The following RCL1 variants were observed in gnomAD, a reference collection of about 807,000 sequenced individuals.
RCL1 encodes RNA 3'-terminal phosphate cyclase-like protein.
Under a neutral mutation model 42.4 loss-of-function variants are expected in RCL1, and 24 were observed. The ratio of observed to expected loss-of-function variants is 0.57; its 90% CI spans 0.41 to 0.80. The LOEUF is 0.80. Ranked by LOEUF, RCL1 falls within the 30% of genes least tolerant of loss-of-function variation. The pLI is 0.00. For synonymous variants in RCL1, 228 were observed against 177.3 expected (o/e 1.29, Z -2.27); for missense variants, 578 against 467.9 (o/e 1.24, Z -2.17).
At chr9:4,835,238 A>G (rs747253404) in intron 5 of RCL1, among the ~76,000 whole-genome samples, 50 of 152,242 alleles carry the variant, frequency 3.3e-4, no homozygotes, top group African/African-American at 1.2e-3. Flanking sequence ...AGGAGGGTGG[A>G]ACCCTGTGAG....
intron 8 of RCL1, chr9:4,850,419 C>T (rs1257351105): frequency 4.4e-6 from 2 of 450,722 alleles, no homozygotes; most frequent in Middle Eastern, 4.4e-4. Context: ...TGGGGCTATG[C>T]ACCCTTGGGC....
chr9:4,847,084 G>C (rs964916983), intron 7 of RCL1, among the ~76,000 whole-genome samples: 1 of 151,840 alleles, frequency 6.6e-6, no homozygotes, highest in East Asian at 1.9e-4. Context: ...TCTCCATGTT[G>C]GTCAGGCTGG....
intron 1 of RCL1, chr9:4,805,003 A>G (rs934294678): frequency 2.0e-5 from 3 of 152,450 alleles, no homozygotes; most frequent in African/African-American, 7.2e-5. Flanking sequence ...CAACATGGAG[A>G]GAGACTGGAA....
chr9:4,818,422 GAAAT>G (rs1816471670), intron 1 of RCL1, among the ~76,000 whole-genome samples: 1 of 151,800 alleles, frequency 6.6e-6, no homozygotes, highest in Non-Finnish European at 1.5e-5. Context: ...TGCACATATA[GAAAT>G]AAATAAACAT....
intron 5 of RCL1, among the ~76,000 whole-genome samples, chr9:4,837,277 T>C (rs567897943): frequency 6.6e-6 from 1 of 152,308 alleles, no homozygotes; most frequent in African/African-American, 2.4e-5. Context: ...TGAGTTGTTT[T>C]TTGCTTTTCA....
intron 3 of RCL1, among the ~76,000 whole-genome samples, chr9:4,828,532 A>T: frequency 7.1e-6 from 1 of 141,264 alleles, no homozygotes; most frequent in African/African-American, 2.6e-5. Flanking sequence ...ACTGTTGAGA[A>T]TATTTAATTA....
chr9:4,805,698 G>A (rs548354849), intron 1 of RCL1, among the ~76,000 whole-genome samples: 17 of 152,188 alleles, frequency 1.1e-4, no homozygotes, highest in Non-Finnish European at 2.5e-4. Context: ...GAGGGCTTGC[G>A]GGTGGTGCAG....
intron 1 of RCL1, among the ~76,000 whole-genome samples, chr9:4,807,790 A>G (rs191215510): frequency 5.3e-5 from 8 of 152,314 alleles, no homozygotes; most frequent in Admixed American, 3.3e-4. Context: ...AAATGCTGGG[A>G]TTACAGGCGT....
At chr9:4,800,404 G>A (rs1183033945) in intron 1 of RCL1, among the ~76,000 whole-genome samples, 3 of 151,626 alleles carry the variant, frequency 2.0e-5, no homozygotes, top group African/African-American at 4.8e-5. Flanking sequence ...TAGTAGAGAC[G>A]GGGTTTCGGC....
Position 4,844,560 on chromosome 9 carries a change from C to G in RCL1, c.746C>G (p.Thr249Ser). 2.5e-6 allele frequency: 4 copies of G among 1,613,512 alleles called. No homozygotes were observed. Among genetic ancestry groups the G allele is most frequent in the Non-Finnish European group, 3.4e-6 (4 of 1,179,714 alleles). Residue 249 changes from threonine (T) to serine (S), a missense_variant, in exon 7 of 9, where the codon ACC becomes AGC. Transcript: ENST00000381750. ...PGFGLSLVAE[T>S]TSGTFLSAEL... ...TTTGGGTTGTCACTGGTTGCTGAGA[C>G]CACCAGTGGCACCTTCCTCAGTGCT...
rs766372760 is a variant in RCL1, at chr9:4,793,060, G to C, written c.-32G>C. 1.5e-5 allele frequency: 24 copies of C among 1,595,370 alleles called. No homozygotes were observed. Among genetic ancestry groups the C allele is most frequent in the Non-Finnish European group, 1.8e-5 (21 of 1,170,952 alleles). ...GCGTCTGTCCGAAGTCGCCGCTCTC[G>C]GGCTGCTCACGTCTCTTCGGAGAGC... is the stretch of plus-strand genomic sequence containing the variant. On this transcript the variant is annotated 5_prime_UTR_variant, in exon 1 of 9. Transcript: ENST00000381750.
chr9:4,806,744 G>C (rs1174886673), intron 1 of RCL1, among the ~76,000 whole-genome samples: 1 of 151,042 alleles, frequency 6.6e-6, no homozygotes, highest in African/African-American at 2.4e-5. Context: ...GTGCTGCTTT[G>C]GTCTGGTTTT....
At chr9:4,831,621 C>T (rs115198183) in intron 3 of RCL1, among the ~76,000 whole-genome samples, 98 of 145,402 alleles carry the variant, frequency 6.7e-4, no homozygotes, top group African/African-American at 2.1e-3. Context: ...GGACCACAGG[C>T]GTGCAGCATG....
intron 3 of RCL1, among the ~76,000 whole-genome samples, chr9:4,830,392 G>A (rs761782421): frequency 3.3e-5 from 5 of 152,180 alleles, no homozygotes; most frequent in African/African-American, 7.2e-5. Flanking sequence ...GGTCCTTGCC[G>A]AAGTCCAGAG....
chr9:4,827,762 G>A (rs1232056662), intron 3 of RCL1, among the ~76,000 whole-genome samples: 6 of 11,374 alleles, frequency 5.3e-4, no homozygotes, highest in African/African-American at 6.6e-4. Context: ...GTGTGCACGC[G>A]TGTGTGTGTG....
rs191197482 is a variant in RCL1, at chr9:4,842,451, G to C, written c.710+1094G>C. Among the ~76,000 whole-genome samples the C allele has an allele frequency of 1.6e-4, 24 of 152,348 alleles. No individual in the cohort carries two copies. The East Asian group carries it at 4.0e-3, about 26-fold the overall frequency. On this transcript the variant is annotated intron_variant, in intron 6 of 8. Transcript: ENST00000381750. ...ATACAGTGGAGGCTCATAGTCCAAA[G>C]CAACAAAGCTGGTGGCGTCATAACG...
intron 1 of RCL1, among the ~76,000 whole-genome samples, chr9:4,799,039 T>TC (rs1368058073): frequency 1.0e-5 from 1 of 99,348 alleles, no homozygotes; most frequent in Non-Finnish European, 2.0e-5. Context: ...CTTTCCCCCT[T>TC]CCCCCCTCTC....
At chr9:4,845,042 G>A (rs1383817669) in intron 7 of RCL1, among the ~76,000 whole-genome samples, 1 of 152,224 alleles carries the variant, frequency 6.6e-6, no homozygotes, top group Non-Finnish European at 1.5e-5. Context: ...CCCGATTGCT[G>A]CCATGTGGGA....
Position 4,793,195 on chromosome 9 carries a change from T to C in RCL1, c.104T>C (p.Ile35Thr). ...LSGRPVKIRK[I>T]RARDDNPGLR... The stretch of plus-strand genomic sequence containing the variant: ...GGGCGCCCCGTCAAAATCCGAAAGA[T>C]TCGGGCCAGAGACGACAACCCGGGC... Residue 35 changes from isoleucine (I) to threonine (T), a missense_variant, in exon 1 of 9, where the codon ATT becomes ACT. Physicochemically the swap from Ile to Thr is moderately conservative, Grantham distance 89. Transcript: ENST00000381750. 6.2e-7 allele frequency: 1 copy of C among 1,608,542 alleles called. No individual in the cohort carries two copies. The highest frequency in any genetic ancestry group is 8.5e-7 in the Non-Finnish European group (1 of 1,177,548).
Sources: allele counts gnomAD v4.1 joint callset (sites outside exome capture counted in the v4.1 genomes callset), GRCh38; gene constraint gnomAD v4.1.1; transcripts MANE v1.5; gene names NCBI Gene and HGNC (gene_info 2026-07-23, HGNC 2026-07-21).